PLXNB2: variants seen among roughly 807,000 people sequenced by gnomAD.
PLXNB2 encodes the protein plexin B2.
Under a neutral mutation model 202.6 loss-of-function variants are expected in PLXNB2, and 85 were observed. The ratio of observed to expected loss-of-function variants is 0.42; its 90% CI spans 0.35 to 0.50. PLXNB2 has a LOEUF of 0.50. Ranked by LOEUF, PLXNB2 falls within the 20% of genes least tolerant of loss-of-function variation. The probability of loss-of-function intolerance (pLI) is 0.02; values close to 1 mark genes in which losing one functional copy is unlikely to be tolerated. For missense variants in PLXNB2, 2,063 were observed against 2,586.2 expected (o/e 0.80, Z 4.39); for synonymous variants, 1,239 against 1,137.6 (o/e 1.09, Z -1.79).
chr22:50,275,976 G>C lies in PLXNB2; in HGVS notation c.5338-13C>G, dbSNP rs373745510. 22 of 1,611,486 alleles carry C rather than the reference G, an allele frequency of 1.4e-5. No individual in the cohort carries two copies. In the Admixed American group the frequency reaches 3.5e-4, roughly 26 times the overall value. On this transcript the variant is annotated splice_polypyrimidine_tract_variant and intron_variant, in intron 35 of 36. Transcript: ENST00000359337. Reference sequence around the variant, plus strand: ...AGTCCGTGTGCGCCTGGGGGGTGACGGGACAGTCAGGGTGGAAAAGGGGCT... The same window carrying C: ...AGTCCGTGTGCGCCTGGGGGGTGACCGGACAGTCAGGGTGGAAAAGGGGCT...
At position 50,284,065 on chromosome 22, in the gene PLXNB2, TC is replaced by T; in HGVS notation, c.2263+66del. On this transcript the variant is annotated intron_variant, in intron 13 of 36. Coordinates refer to ENST00000359337, the MANE Select transcript of PLXNB2 (RefSeq NM_012401.4). This position sits in a 1 kb window ranked among gnomAD's most constrained non-coding sequence, Gnocchi z 8.0. ...ACCTGCTCCCCACTGCGCCCACCTG[TC>T]CCCCCACCCACCGCCTTGTGCCCAC... is the stretch of plus-strand genomic sequence containing the variant. 1 of 1,492,316 alleles carries T rather than the reference TC, an allele frequency of 6.7e-7. No individual in the cohort carries two copies. The highest frequency in any genetic ancestry group is 9.0e-7 in the Non-Finnish European group (1 of 1,109,298). The allele number at this position is 1,492,316 out of a possible 1,614,324, so 92.4% of individuals were successfully genotyped here. A position where few individuals can be genotyped will look rare whatever the true frequency, so the allele number is the denominator to read the frequency against.
At chr22:50,276,273 G>A (rs2065564226) in intron 35 of PLXNB2, among the ~76,000 whole-genome samples, 2 of 150,280 alleles carry the variant, frequency 1.3e-5, no homozygotes, top group Admixed American at 6.6e-5. Flanking sequence ...CACGGCCGTG[G>A]GTGCAGCCGC....
In PLXNB2 at chr22:50,284,762, G is replaced by A. The variant is rs2066295547; in HGVS notation, c.2089-97C>T. On this transcript the variant is annotated intron_variant, in intron 11 of 36. Transcript: ENST00000359337. The surrounding 1 kb of genome is among the most constrained non-coding windows in gnomAD (Gnocchi z 8.0). Reference sequence around the variant, plus strand: ...GCCCCTCCTCTGTGCCTACAGTGTGGGAGCCCTCTCCTCACCCCACACATG... The same window carrying A: ...GCCCCTCCTCTGTGCCTACAGTGTGAGAGCCCTCTCCTCACCCCACACATG... 2 of 931,052 alleles carry A rather than the reference G, an allele frequency of 2.1e-6. No individual in the cohort carries two copies. The highest frequency in any genetic ancestry group is 3.6e-6 in the Non-Finnish European group (2 of 561,512). 57.7% of individuals were successfully genotyped at this position (931,052 alleles called of 1,614,324 possible). A position where few individuals can be genotyped will look rare whatever the true frequency, so the allele number is the denominator to read the frequency against.
At chr22:50,298,162 G>A (rs573017736) in intron 1 of PLXNB2, among the ~76,000 whole-genome samples, 127 of 152,362 alleles carry the variant, frequency 8.3e-4, no homozygotes, top group African/African-American at 3.0e-3. Context: ...GTGGTGACAT[G>A]CAGGGGCGCG....
Position 50,282,333 on chromosome 22 carries a change from C to T in PLXNB2, c.2988-20G>A, listed in dbSNP as rs767777190. 1.6e-5 allele frequency: 25 copies of T among 1,576,742 alleles called. No homozygotes were observed. The highest frequency in any genetic ancestry group is 4.1e-5 in the African/African-American group (3 of 73,784). Reference sequence around the variant, plus strand: ...CCACCACTGCGGAGGGCAGTGCCTTCGTGGGCTCGGCTGGCAGGGGTGGTC... The same window carrying T: ...CCACCACTGCGGAGGGCAGTGCCTTTGTGGGCTCGGCTGGCAGGGGTGGTC... On this transcript the variant is annotated intron_variant, in intron 18 of 36. Transcript: ENST00000359337.
chr22:50,306,959 G>A (rs970706166), intron 1 of PLXNB2, among the ~76,000 whole-genome samples: 6 of 152,196 alleles, frequency 3.9e-5, no homozygotes, highest in Non-Finnish European at 5.9e-5. Context: ...GTGCGGAGGG[G>A]CAGGGTCAGC....
chr22:50,301,559 G>C (rs1464296730), intron 1 of PLXNB2: 1 of 199,486 alleles, frequency 5.0e-6, no homozygotes, highest in Non-Finnish European at 9.0e-6. Flanking sequence ...CGGCCCGCCG[G>C]TGCCCAGCCC....
At chr22:50,296,590 CAAAA>C (rs34197202) in intron 1 of PLXNB2, among the ~76,000 whole-genome samples, 612 of 56,418 alleles carry the variant, frequency 0.011, 3 homozygotes, top group African/African-American at 0.041. Context: ...GACTCTGTCT[CAAAA>C]AAAAAAAAAA....
At position 50,290,390 on chromosome 22, in the gene PLXNB2, C is replaced by T. The variant is rs914422130; in HGVS notation, c.195G>A (p.Gln65=). The change falls in exon 3 of 37, where the codon CAG becomes CAA. Residue 65 remains glutamine, a synonymous_variant. Coordinates refer to ENST00000359337, the MANE Select transcript of PLXNB2 (RefSeq NM_012401.4). ...CCAGGGCCGGGCCCGTGGCCACCTG[C>T]TGCTCCAGCTGCAGCTTCGCATCCA... ...YQLDAKLQLE[Q]QVATGPALDN... is the part of the protein sequence containing the mutation. 6.2e-7 allele frequency: 1 copy of T among 1,612,952 alleles called. No homozygotes were observed. The highest frequency in any genetic ancestry group is 2.2e-5 in the East Asian group (1 of 44,894).
At chr22:50,301,350 T>A in intron 1 of PLXNB2, 3 of 978,654 alleles carry the variant, frequency 3.1e-6, no homozygotes, top group Non-Finnish European at 3.6e-6. Flanking sequence ...AACCTACCGA[T>A]GTCTCCGTGC....
At chr22:50,285,371 G>A (rs2066363168) in intron 11 of PLXNB2, among the ~76,000 whole-genome samples, 2 of 71,468 alleles carry the variant, frequency 2.8e-5, no homozygotes, top group Non-Finnish European at 5.8e-5. Flanking sequence ...GTCACCGGCC[G>A]GCACCCCTCC....
At chr22:50,299,822 C>G (rs907056256) in intron 1 of PLXNB2, among the ~76,000 whole-genome samples, 7 of 152,152 alleles carry the variant, frequency 4.6e-5, no homozygotes, top group African/African-American at 2.4e-5. Flanking sequence ...GGTCTGCGAG[C>G]CCGGTACCCG....
chr22:50,301,344 T>C (rs2147710874), intron 1 of PLXNB2: 1 of 972,544 alleles, frequency 1.0e-6, no homozygotes, highest in Non-Finnish European at 1.2e-6. Flanking sequence ...GCAATGAACC[T>C]ACCGATGTCT....
chr22:50,279,199 C>T (rs2065822624), intron 27 of PLXNB2, among the ~76,000 whole-genome samples, 188 bp from the exon 28 acceptor site: 2 of 152,252 alleles, frequency 1.3e-5, no homozygotes, highest in South Asian at 4.1e-4. Context: ...CCTGCCTGCT[C>T]CGGCTCAGCA....
rs116468936 is a variant in PLXNB2, at chr22:50,281,866, G to A, written c.3333C>T (p.Leu1111=). 4,046 of 1,612,568 alleles carry A rather than the reference G, an allele frequency of 2.5e-3. 98 individuals are homozygous for A. In the African/African-American group the frequency reaches 0.047, roughly 19 times the overall value. ...TGGVKKQVNK[L]IHARGTNLNK... ...GCACCGTCCTCACCCGGGCGTGGAT[G>A]AGCTTGTTGACCTGCTTCTTGACGC... Residue 1111 remains leucine, a synonymous_variant, in exon 20 of 37, where the codon CTC becomes CTT. Transcript: ENST00000359337.
chr22:50,299,305 G>GT (rs1357875022), intron 1 of PLXNB2, among the ~76,000 whole-genome samples: 1 of 140,140 alleles, frequency 7.1e-6, no homozygotes, highest in East Asian at 2.6e-4. Context: ...TGGGGTGGGG[G>GT]GGGGGCCCGG....
intron 16 of PLXNB2, 36 bp downstream of exon 16, chr22:50,283,301 C>T (rs1162315811): frequency 1.9e-6 from 3 of 1,609,016 alleles, no homozygotes; most frequent in Admixed American, 1.7e-5. Context: ...TCCCGGTCCT[C>T]CCGGGTTCGG....
intron 1 of PLXNB2, among the ~76,000 whole-genome samples, chr22:50,303,417 C>T (rs955598625): frequency 2.0e-5 from 3 of 152,154 alleles, no homozygotes; most frequent in Admixed American, 1.3e-4. Flanking sequence ...ACAGGGGGCC[C>T]AATCTGTCTC....
At chr22:50,300,295 G>A (rs1423758639) in intron 1 of PLXNB2, 2 of 985,002 alleles carry the variant, frequency 2.0e-6, no homozygotes, top group Non-Finnish European at 2.4e-6. Flanking sequence ...GGGCACATCG[G>A]ATCGCACAGC....
Sources: gnomAD v4.1 joint callset for allele counts (sites outside exome capture counted in the v4.1 genomes callset) on GRCh38, gnomAD v4.1.1 for gene constraint, Gnocchi (gnomAD v3.1) non-coding constraint, MANE v1.5 for transcripts, NCBI Gene and HGNC (gene_info 2026-07-23, HGNC 2026-07-21) for gene names.